The following KLHL1 variants were observed in gnomAD, a reference collection of about 807,000 sequenced individuals.
KLHL1 encodes the protein kelch like family member 1.
A neutral mutation model predicts 77.7 loss-of-function variants in KLHL1; 47 were observed. The observed-to-expected ratio is 0.60, with a 90% CI of 0.48 to 0.77. The LOEUF is 0.77. KLHL1 is among the 30% of genes least tolerant of loss of function. The pLI, the probability that KLHL1 is intolerant of heterozygous loss-of-function variation, is 0.00. For synonymous variants in KLHL1, 360 were observed against 325.2 expected (o/e 1.11, Z -1.15); for missense variants, 925 against 910.8 (o/e 1.02, Z -0.20).
At chr13:69,936,160 G>C (rs563510975) in intron 4 of KLHL1, among the ~76,000 whole-genome samples, 35 of 152,260 alleles carry the variant, frequency 2.3e-4, no homozygotes, top group African/African-American at 8.4e-4. Flanking sequence ...ATTCCAACAA[G>C]AGGAAGGTCT....
chr13:70,017,315 C>T (rs1885682240), intron 1 of KLHL1, among the ~76,000 whole-genome samples: 1 of 152,216 alleles, frequency 6.6e-6, no homozygotes, highest in African/African-American at 2.4e-5. Context: ...CTCTTTGGGG[C>T]TCTATGGTCC....
At chr13:70,032,567 T>G (rs975089316) in intron 1 of KLHL1, among the ~76,000 whole-genome samples, 2 of 152,204 alleles carry the variant, frequency 1.3e-5, no homozygotes, top group African/African-American at 4.8e-5. Context: ...AGTATCTCAT[T>G]CTTACTTACG....
chr13:69,819,663 C>T (rs1878259034), intron 6 of KLHL1, among the ~76,000 whole-genome samples: 2 of 151,912 alleles, frequency 1.3e-5, no homozygotes, highest in African/African-American at 2.4e-5. Flanking sequence ...AATTCTCCTT[C>T]ACTTGTCCAC....
intron 1 of KLHL1, among the ~76,000 whole-genome samples, chr13:70,044,518 G>T (rs1566527853): frequency 6.6e-6 from 1 of 150,486 alleles, no homozygotes; most frequent in African/African-American, 2.4e-5. Context: ...ACATTTTAAT[G>T]TTTTTTTTTG....
At chr13:69,788,655 G>A (rs1322942622) in intron 7 of KLHL1, among the ~76,000 whole-genome samples, 2 of 133,634 alleles carry the variant, frequency 1.5e-5, no homozygotes, top group Admixed American at 7.0e-5. Context: ...AAAACTTAAA[G>A]TATAATAATA....
chr13:69,948,925 T>C (rs555558221), intron 3 of KLHL1, among the ~76,000 whole-genome samples: 1 of 152,058 alleles, frequency 6.6e-6, no homozygotes, highest in African/African-American at 2.4e-5. Context: ...TCTGTTAAAT[T>C]GAAGAAGAAA....
At chr13:69,896,913 G>T (rs56328038) in intron 4 of KLHL1, among the ~76,000 whole-genome samples, 1 of 151,752 alleles carries the variant, frequency 6.6e-6, no homozygotes. Context: ...CTCATGATCC[G>T]CCCGCCTCAG....
intron 3 of KLHL1, among the ~76,000 whole-genome samples, chr13:69,952,022 C>T (rs2482577): frequency 6.6e-6 from 1 of 151,362 alleles, no homozygotes; most frequent in Non-Finnish European, 1.5e-5. Context: ...GGATAGTGCA[C>T]TTTGAAGCCA....
chr13:69,980,262 AACT>A (rs1453856426), intron 1 of KLHL1, among the ~76,000 whole-genome samples: 20 of 152,230 alleles, frequency 1.3e-4, no homozygotes, highest in Non-Finnish European at 1.3e-4. Flanking sequence ...ATAGATTGTT[AACT>A]AATAAGAAAA....
rs1466549604 is a variant in KLHL1, at chr13:70,107,814, A to C, written c.-115T>G. On this transcript the variant is annotated 5_prime_UTR_variant, in exon 1 of 11. Coordinates refer to ENST00000377844, the MANE Select transcript of KLHL1 (RefSeq NM_020866.3). The stretch of plus-strand genomic sequence containing the variant: ...GGAAGAGGCGGGATGCGCCCTCTGC[A>C]CCCCTAGAGCCAGAAGACGCTAGGT... 7 of 775,038 alleles carry C rather than the reference A, an allele frequency of 9.0e-6. No individual in the cohort carries two copies. The East Asian group carries it at 1.9e-4, about 21-fold the overall frequency. 48.0% of individuals were successfully genotyped at this position (775,038 alleles called of 1,614,324 possible).
chr13:69,778,718 G>A (rs1189451397), intron 7 of KLHL1, among the ~76,000 whole-genome samples: 1 of 150,740 alleles, frequency 6.6e-6, no homozygotes, highest in Non-Finnish European at 1.5e-5. Flanking sequence ...ATTTGTAAGA[G>A]AATGTTTGCA....
chr13:69,985,954 C>T (rs998018873), intron 1 of KLHL1, among the ~76,000 whole-genome samples: 50 of 148,802 alleles, frequency 3.4e-4, no homozygotes, highest in African/African-American at 1.2e-3. Context: ...AAGTAATATC[C>T]TCCAGGATCA....
chr13:69,866,860 TTTG>T (rs1329844416), intron 5 of KLHL1, among the ~76,000 whole-genome samples: 1 of 152,070 alleles, frequency 6.6e-6, no homozygotes, highest in Non-Finnish European at 1.5e-5. Context: ...CACCACATGT[TTTG>T]TTGTTGTTTT....
chr13:69,912,028 T>G (rs1882256455), intron 4 of KLHL1, among the ~76,000 whole-genome samples: 1 of 152,132 alleles, frequency 6.6e-6, no homozygotes, highest in Non-Finnish European at 1.5e-5. Context: ...CCCAACTAAT[T>G]TCAGAAAATA....
At chr13:70,100,896 ACT>A (rs1887908361) in intron 1 of KLHL1, among the ~76,000 whole-genome samples, 2 of 152,166 alleles carry the variant, frequency 1.3e-5, no homozygotes, top group African/African-American at 4.8e-5. Context: ...TGACATTGAG[ACT>A]CTGATTAAAA....
At chr13:69,803,338 C>T (rs935835598) in intron 6 of KLHL1, among the ~76,000 whole-genome samples, 1 of 152,140 alleles carries the variant, frequency 6.6e-6, no homozygotes. Context: ...ATTACTTGCA[C>T]AGCATCTCTC....
At chr13:70,078,689 C>A (rs1441952980) in intron 1 of KLHL1, among the ~76,000 whole-genome samples, 1 of 152,162 alleles carries the variant, frequency 6.6e-6, no homozygotes, top group Non-Finnish European at 1.5e-5. Context: ...ATCTTTGCGA[C>A]CACTGCCAGC....
chr13:69,709,878 C>G (rs1389265658), intron 9 of KLHL1, among the ~76,000 whole-genome samples: 1 of 142,812 alleles, frequency 7.0e-6, no homozygotes, highest in Non-Finnish European at 1.6e-5. Flanking sequence ...GAAAATTTTT[C>G]TAGTACAAAT....
intron 1 of KLHL1, among the ~76,000 whole-genome samples, chr13:70,040,516 T>G (rs1886350802): frequency 6.6e-6 from 1 of 152,204 alleles, no homozygotes; most frequent in Non-Finnish European, 1.5e-5. Context: ...CTTTAGGCAC[T>G]TGAAAACTAT....
Sources: gnomAD v4.1 joint callset for allele counts (sites outside exome capture counted in the v4.1 genomes callset) on GRCh38, gnomAD v4.1.1 for gene constraint, MANE v1.5 for transcripts, NCBI Gene and HGNC (gene_info 2026-07-23, HGNC 2026-07-21) for gene names.